The following DIMT1 variants were observed in gnomAD, a reference collection of about 807,000 sequenced individuals.
DIMT1 encodes the protein dimethyladenosine transferase.
In DIMT1, 36 loss-of-function variants were observed where a neutral mutation model predicts 43.2. The ratio of observed to expected loss-of-function variants is 0.83; its 90% CI spans 0.64 to 1.10. The LOEUF is 1.10. DIMT1 is among the 50% of genes least tolerant of loss of function. DIMT1 has a pLI of 0.00. For synonymous variants in DIMT1, 126 were observed against 130.3 expected, an observed-to-expected ratio of 0.97 and a Z score of 0.22; for missense variants, 341 against 385.3, an observed-to-expected ratio of 0.88 and a Z score of 0.96.
At chr5:62,398,293 A>T in intron 6 of DIMT1, 1 of 514,022 alleles carries the variant, frequency 1.9e-6, no homozygotes, top group South Asian at 2.9e-5. Context: ...AGATTCAAAA[A>T]TAGGGAAAGG....
chr5:62,397,749 C>G (rs1050818678), intron 6 of DIMT1, among the ~76,000 whole-genome samples: 1 of 151,868 alleles, frequency 6.6e-6, no homozygotes. Context: ...CCCGGGTTCA[C>G]GCCATTCTCC....
At chr5:62,397,140 G>A (rs776839791) in intron 6 of DIMT1, among the ~76,000 whole-genome samples, 1 of 151,952 alleles carries the variant, frequency 6.6e-6, no homozygotes, top group Admixed American at 6.6e-5. Flanking sequence ...AGTAGAGATG[G>A]GGTTTCACCA....
chr5:62,403,900 G>A lies in DIMT1; in HGVS notation c.-128C>T, dbSNP rs890411435. 1.4e-5 allele frequency: 14 copies of A among 983,332 alleles called. No homozygotes were observed. In the South Asian group the frequency reaches 1.5e-4, roughly 10 times the overall value. The allele number at this position is 983,332 out of a possible 1,614,324, so 60.9% of individuals were successfully genotyped here. A position where few individuals can be genotyped will look rare whatever the true frequency, so the allele number is the denominator to read the frequency against. On this transcript the variant is annotated 5_prime_UTR_variant, in exon 1 of 12. Coordinates refer to ENST00000199320, the MANE Select transcript of DIMT1 (RefSeq NM_014473.4). ...ACCACTCTGGCCCAAGCGCCGGAGG[G>A]GCAAGGGTCCGCCCCCTCCCGTACG...
chr5:62,398,510 C>T lies in DIMT1; in HGVS notation c.446+1G>A. 6.2e-7 allele frequency: 1 copy of T among 1,611,806 alleles called. No homozygotes were observed. The highest frequency in any genetic ancestry group is 1.7e-4 in the Middle Eastern group (1 of 6,056). ...AGTAACTCTAGTCTTTTGTCACAAA[C>T]CTGAAAAAAGGTCGATGTAGCAACA... On this transcript the variant is annotated splice_donor_variant, in intron 6 of 11. Transcript: ENST00000199320. LOFTEE classifies it high-confidence loss of function.
At position 62,402,090 on chromosome 5, in the gene DIMT1, T is replaced by C; in HGVS notation, c.186A>G (p.Glu62=). ...AALRPTDVVL[E]VGPGTGNMTV... ...TCATGTTGCCAGTTCCAGGTCCAACTTCCAGCACTACATCAGTTGGTCTTA... is the reference window on the plus strand; with the variant it reads ...TCATGTTGCCAGTTCCAGGTCCAACCTCCAGCACTACATCAGTTGGTCTTA... The change falls in exon 3 of 12, where the codon GAA becomes GAG. Residue 62 remains glutamate, a synonymous_variant. Transcript: ENST00000199320. 1 of 1,614,052 alleles carries C rather than the reference T, an allele frequency of 6.2e-7. No individual in the cohort carries two copies. Among genetic ancestry groups the C allele is most frequent in the Non-Finnish European group, 8.5e-7 (1 of 1,179,970 alleles).
At chr5:62,398,407 C>CTTCAGTAGTTTCT in intron 6 of DIMT1, 104 bp downstream of exon 6, 2 of 1,103,518 alleles carry the variant, frequency 1.8e-6, no homozygotes, top group Admixed American at 3.9e-5. Flanking sequence ...TACAAAAATT[C>CTTCAGTAGTTTCT]TTCAGTAGTT....
rs755058589 is a variant in DIMT1 at position 62,393,953 on chromosome 5, A to G, written c.663+2T>C. ...TTGAATGAGCTAGTATTTTAACCTCACCTGAAAATTGATGGGTGGTGGTGG... is the reference window on the plus strand; with the variant it reads ...TTGAATGAGCTAGTATTTTAACCTCGCCTGAAAATTGATGGGTGGTGGTGG... On this transcript the variant is annotated splice_donor_variant, in intron 8 of 11. Transcript: ENST00000199320. LOFTEE classifies it high-confidence loss of function. The G allele has an allele frequency of 6.2e-7, 1 of 1,606,176 alleles. No homozygotes were observed.
chr5:62,400,653 G>C (rs185647905), intron 3 of DIMT1, among the ~76,000 whole-genome samples: 34 of 152,204 alleles, frequency 2.2e-4, no homozygotes, highest in African/African-American at 7.9e-4. Context: ...CAAAGTGCTG[G>C]GATTACAGAT....
At chr5:62,402,830 C>G (rs944865279) in intron 2 of DIMT1, among the ~76,000 whole-genome samples, 11 of 152,198 alleles carry the variant, frequency 7.2e-5, no homozygotes, top group African/African-American at 2.7e-4. Flanking sequence ...ACATCAATAA[C>G]TCAGAAAGCA....
At chr5:62,391,020 C>A (rs758259989) in intron 10 of DIMT1, 38 bp from the exon 11 acceptor site, 3 of 1,549,434 alleles carry the variant, frequency 1.9e-6, no homozygotes, top group Non-Finnish European at 1.8e-6. Context: ...AACGACATAT[C>A]TTTAATGAGG....
chr5:62,394,459 GAGAA>G (rs962485722), intron 7 of DIMT1, 21 bp downstream of exon 7: 14 of 1,612,868 alleles, frequency 8.7e-6, no homozygotes, highest in Admixed American at 1.7e-5. Flanking sequence ...TCAGAAAAAA[GAGAA>G]AGAAAACAAA....
intron 3 of DIMT1, among the ~76,000 whole-genome samples, chr5:62,401,580 C>CTTTTT (rs1156327743): frequency 1.9e-5 from 2 of 104,402 alleles, no homozygotes; most frequent in African/African-American, 7.2e-5. Context: ...TCATATTTTC[C>CTTTTT]TTTTTTTTTT....
At chr5:62,397,936 A>G (rs1488398394) in intron 6 of DIMT1, among the ~76,000 whole-genome samples, 1 of 152,066 alleles carries the variant, frequency 6.6e-6, no homozygotes. Flanking sequence ...GTGTGACTCC[A>G]TAAACTTTTT....
At chr5:62,389,125 C>T in intron 11 of DIMT1, 73 bp from the exon 12 acceptor site, 1 of 1,281,804 alleles carries the variant, frequency 7.8e-7, no homozygotes, top group Non-Finnish European at 1.1e-6. Context: ...TAGTTCTATA[C>T]CATTAATACT....
rs745780121 is a variant in DIMT1 at position 62,398,526 on chromosome 5, T to C, written c.431A>G (p.His144Arg). Residue 144 changes from histidine (H) to arginine (R), a missense_variant, in exon 6 of 12, where the codon CAT becomes CGT. Transcript: ENST00000199320. Reference protein sequence around the residue: ...SSPFVFKLLLHRPFFRCAILM... With the variant: ...SSPFVFKLLLRRPFFRCAILM... ...TGTCACAAACCTGAAAAAAGGTCGATGTAGCAACAGCTTGAAGACAAAAGG... is the reference window on the plus strand; with the variant it reads ...TGTCACAAACCTGAAAAAAGGTCGACGTAGCAACAGCTTGAAGACAAAAGG... 1.9e-6 allele frequency: 3 copies of C among 1,612,710 alleles called. No individual in the cohort carries two copies. The highest frequency in any genetic ancestry group is 1.3e-5 in the African/African-American group (1 of 75,042).
intron 11 of DIMT1, among the ~76,000 whole-genome samples, chr5:62,389,278 T>C (rs934235997): frequency 6.6e-6 from 1 of 151,742 alleles, no homozygotes; most frequent in Non-Finnish European, 1.5e-5. Flanking sequence ...CTGAGGTCAG[T>C]AGTTCGAGAA....
rs1289140063 is a variant in DIMT1 at position 62,394,512 on chromosome 5, A to C, written c.542T>G (p.Leu181Arg). The C allele has an allele frequency of 4.3e-6, 7 of 1,614,118 alleles. No individual in the cohort carries two copies. The highest frequency in any genetic ancestry group is 5.1e-6 in the Non-Finnish European group (6 of 1,180,052). ...LYCRLSINTQ[L>R]LARVDHLMKV... ...CATTAGATGGTCCACACGTGCCAACAGCTGTGTATTAATTGAGAGTCTGCA... is the reference window on the plus strand; with the variant it reads ...CATTAGATGGTCCACACGTGCCAACCGCTGTGTATTAATTGAGAGTCTGCA... The change falls in exon 7 of 12, where the codon CTG (leucine) becomes CGG (arginine). Residue 181 changes from leucine to arginine, a missense_variant. Transcript: ENST00000199320.
intron 1 of DIMT1, 23 bp downstream of exon 1, chr5:62,403,671 A>G: frequency 1.3e-6 from 2 of 1,599,002 alleles, no homozygotes; most frequent in Non-Finnish European, 1.7e-6. Flanking sequence ...GACCGACCCC[A>G]GCTTCCTCGC....
intron 3 of DIMT1, among the ~76,000 whole-genome samples, chr5:62,400,807 G>A (rs561702532): frequency 2.6e-5 from 4 of 152,186 alleles, no homozygotes; most frequent in Admixed American, 2.0e-4. Flanking sequence ...CACCCAGGCT[G>A]TAGTGAAGTG....
Sources: gnomAD v4.1 joint callset for allele counts (sites outside exome capture counted in the v4.1 genomes callset) on GRCh38, gnomAD v4.1.1 for gene constraint, MANE v1.5 for transcripts, NCBI Gene and HGNC (gene_info 2026-07-23, HGNC 2026-07-21) for gene names.